Variants in EIF2B3 observed in about 807,000 individuals in gnomAD.
The protein encoded by EIF2B3 is eukaryotic translation initiation factor 2B subunit gamma.
A neutral mutation model predicts 54.1 loss-of-function variants in EIF2B3; 20 were observed. The ratio of observed to expected loss-of-function variants is 0.37; its 90% CI spans 0.26 to 0.54. The LOEUF (loss-of-function observed/expected upper bound fraction) is 0.54. EIF2B3 is among the 20% of genes least tolerant of loss of function. The pLI, the probability that EIF2B3 is intolerant of heterozygous loss-of-function variation, is 0.86. For missense variants in EIF2B3, 448 were observed against 547.8 expected (o/e 0.82, Z 1.82); for synonymous variants, 153 against 188.1 (o/e 0.81, Z 1.52).
chr1:44,968,016 C>T lies in EIF2B3; in HGVS notation c.294+10299G>A, dbSNP rs187814660. On this transcript the variant is annotated intron_variant, in intron 3 of 11. Coordinates refer to ENST00000360403, the MANE Select transcript of EIF2B3 (RefSeq NM_020365.5). ...TTGTGCCACTGCACTCCAGCCTGGGCGACAGAGTGAGACTCCATTTTGAAA... is the reference window on the plus strand; with the variant it reads ...TTGTGCCACTGCACTCCAGCCTGGGTGACAGAGTGAGACTCCATTTTGAAA... Among the ~76,000 whole-genome samples, 707 of 151,272 alleles carry T rather than the reference C, an allele frequency of 4.7e-3. 2 individuals are homozygous for T. The highest frequency in any genetic ancestry group is 7.4e-3 in the Non-Finnish European group (505 of 67,836).
chr1:44,857,197 T>G (rs1174018605), intron 11 of EIF2B3, among the ~76,000 whole-genome samples: 2 of 152,202 alleles, frequency 1.3e-5, no homozygotes, highest in Non-Finnish European at 2.9e-5. Context: ...TCTATAAGAT[T>G]AATTTCTAGA....
chr1:44,913,667 G>A (rs1389465140), intron 5 of EIF2B3, among the ~76,000 whole-genome samples: 1 of 151,710 alleles, frequency 6.6e-6, no homozygotes, highest in Non-Finnish European at 1.5e-5. Flanking sequence ...ACCATGCCCA[G>A]GTATTTCTTC....
chr1:44,886,782 T>C (rs1028990699), intron 6 of EIF2B3, among the ~76,000 whole-genome samples: 3 of 152,222 alleles, frequency 2.0e-5, no homozygotes, highest in African/African-American at 7.2e-5. Flanking sequence ...CGTCACTTCC[T>C]TTTTTTGTCT....
chr1:44,856,527 T>C lies in EIF2B3; in HGVS notation c.1306+1177A>G, dbSNP rs925856174. Among the ~76,000 whole-genome samples, 4 of 85,698 alleles carry C rather than the reference T, an allele frequency of 4.7e-5. No individual in the cohort carries two copies. In the South Asian group the frequency reaches 1.3e-3, roughly 28 times the overall value. The allele number at this position is 85,698 out of a possible 152,430, so 56.2% of individuals were successfully genotyped here. A position where few individuals can be genotyped will look rare whatever the true frequency, so the allele number is the denominator to read the frequency against. The stretch of plus-strand genomic sequence containing the variant: ...AAGACTCTGTCTCAAAAAATTAAAA[T>C]TAAAAAAAAAAAAAAAAAAAAGGAA... On this transcript the variant is annotated intron_variant, in intron 11 of 11. Coordinates refer to ENST00000360403, the MANE Select transcript of EIF2B3 (RefSeq NM_020365.5).
intron 2 of EIF2B3, among the ~76,000 whole-genome samples, chr1:44,979,859 G>A (rs962322661): frequency 5.3e-5 from 8 of 151,764 alleles, no homozygotes; most frequent in Admixed American, 3.3e-4. Flanking sequence ...CCAGGTACTC[G>A]GGAGACTGAA....
intron 6 of EIF2B3, among the ~76,000 whole-genome samples, chr1:44,886,464 G>A (rs1655588181): frequency 6.6e-6 from 1 of 152,204 alleles, no homozygotes; most frequent in African/African-American, 2.4e-5. Context: ...ACACTAAAAT[G>A]TTCACAATAG....
At chr1:44,976,410 A>G (rs1644453566) in intron 3 of EIF2B3, among the ~76,000 whole-genome samples, 1 of 152,216 alleles carries the variant, frequency 6.6e-6, no homozygotes, top group South Asian at 2.1e-4. Flanking sequence ...CACTACATAC[A>G]TACCTACTAG....
At chr1:44,905,531 T>G (rs181322535) in intron 5 of EIF2B3, among the ~76,000 whole-genome samples, 69 of 152,238 alleles carry the variant, frequency 4.5e-4, no homozygotes, top group Non-Finnish European at 7.4e-4. Flanking sequence ...CTCACAGCAT[T>G]TCTGTTTCTC....
chr1:44,942,423 T>A lies in EIF2B3; in HGVS notation c.295-758A>T, dbSNP rs1382731242. ...TATATATATATATATATATATTTTT[T>A]TTTTTTTTTTTTTTTTTTTTTCCAG... On this transcript the variant is annotated intron_variant, in intron 3 of 11. Coordinates refer to ENST00000360403, the MANE Select transcript of EIF2B3 (RefSeq NM_020365.5). Among the ~76,000 whole-genome samples the A allele has an allele frequency of 6.5e-3, 314 of 48,076 alleles. 33 individuals carry two copies. Among genetic ancestry groups the A allele is most frequent in the African/African-American group, 0.021 (201 of 9,412 alleles). The allele number at this position is 48,076 out of a possible 152,430, so 31.5% of individuals were successfully genotyped here.
chr1:44,868,270 C>A (rs1573689478), intron 10 of EIF2B3, among the ~76,000 whole-genome samples: 1 of 151,804 alleles, frequency 6.6e-6, no homozygotes, highest in East Asian at 1.9e-4. Context: ...TGGTGGCGGG[C>A]ACCTGTAGTC....
chr1:44,981,498 C>T (rs1644512246), intron 1 of EIF2B3, among the ~76,000 whole-genome samples: 1 of 152,208 alleles, frequency 6.6e-6, no homozygotes. Flanking sequence ...AGAAAAATAT[C>T]CAAGATACAG....
chr1:44,981,566 A>G (rs1168849628), intron 1 of EIF2B3, among the ~76,000 whole-genome samples: 1 of 152,220 alleles, frequency 6.6e-6, no homozygotes, highest in Non-Finnish European at 1.5e-5. Context: ...AAGTTTTTAT[A>G]GAAAGTGATG....
intron 5 of EIF2B3, among the ~76,000 whole-genome samples, chr1:44,924,717 CT>C (rs1402246637): frequency 1.3e-5 from 2 of 151,998 alleles, no homozygotes; most frequent in Non-Finnish European, 2.9e-5. Context: ...ATAATATCCT[CT>C]TTTTTATCAT....
rs141750722 is a variant in EIF2B3 at position 44,879,968 on chromosome 1, C to T, written c.825G>A (p.Leu275=). The T allele has an allele frequency of 6.8e-6, 11 of 1,614,090 alleles. No individual in the cohort carries two copies. In the African/African-American group the frequency reaches 1.3e-4, roughly 20 times the overall value. Residue 275 remains leucine, a synonymous_variant, in exon 8 of 12, where the codon CTG becomes CTA. Transcript: ENST00000360403. ...CATTCCAGCAGGCATCATAGGGAGC[C>T]AGGTTCAGTGTATTGGCTTCTTTTA... ...SFIKEANTLN[L]APYDACWNAC...
chr1:44,927,381 A>C (rs1160490076), intron 4 of EIF2B3, among the ~76,000 whole-genome samples: 2 of 152,078 alleles, frequency 1.3e-5, no homozygotes, highest in Admixed American at 6.6e-5. Context: ...CAAGAGAGGG[A>C]ATAAGAGAGA....
At chr1:44,901,788 T>C (rs1223244740) in intron 5 of EIF2B3, among the ~76,000 whole-genome samples, 1 of 152,028 alleles carries the variant, frequency 6.6e-6, no homozygotes, top group Non-Finnish European at 1.5e-5. Flanking sequence ...CTTGAACTCC[T>C]GGTTCAAGCA....
intron 3 of EIF2B3, among the ~76,000 whole-genome samples, chr1:44,947,607 CG>C (rs1644117094): frequency 1.3e-5 from 2 of 151,954 alleles, no homozygotes; most frequent in Non-Finnish European, 2.9e-5. Flanking sequence ...ATCTGGCAAC[CG>C]ATTTCTTATG....
intron 3 of EIF2B3, among the ~76,000 whole-genome samples, chr1:44,973,598 G>A (rs1208323169): frequency 6.6e-6 from 1 of 152,138 alleles, no homozygotes; most frequent in Non-Finnish European, 1.5e-5. Context: ...CAGCTACTCA[G>A]GAGGCTGAGG....
chr1:44,878,770 T>A (rs79364713), intron 8 of EIF2B3, among the ~76,000 whole-genome samples: 2 of 151,680 alleles, frequency 1.3e-5, no homozygotes, highest in African/African-American at 4.8e-5. Context: ...TTTTTTTTTT[T>A]AATACAGAGT....
Sources: allele counts gnomAD v4.1 joint callset (sites outside exome capture counted in the v4.1 genomes callset), GRCh38; gene constraint gnomAD v4.1.1; transcripts MANE v1.5; gene names NCBI Gene and HGNC (gene_info 2026-07-23, HGNC 2026-07-21).